The following KIRREL3 variants were observed in gnomAD, a reference collection of about 807,000 sequenced individuals.
KIRREL3 encodes the protein kirre like nephrin family adhesion molecule 3, also known as kin of IRRE-like protein 3.
A neutral mutation model predicts 89.7 loss-of-function variants in KIRREL3; 36 were observed. The observed-to-expected ratio is 0.40, with a 90% CI of 0.31 to 0.53. The LOEUF (loss-of-function observed/expected upper bound fraction) is 0.53. Among genes scored for constraint, KIRREL3 ranks in the 20% least tolerant of loss-of-function variants. The probability of loss-of-function intolerance (pLI) is 0.49; values close to 1 mark genes in which losing one functional copy is unlikely to be tolerated. For missense variants in KIRREL3, 864 were observed against 1,056.6 expected (o/e 0.82, Z 2.53); for synonymous variants, 445 against 441.4 (o/e 1.01, Z -0.10).
At position 126,788,681 on chromosome 11, in the gene KIRREL3, A is replaced by T. The variant is rs1170516893; in HGVS notation, c.55+211774T>A. Among the ~76,000 whole-genome samples, 1 of 152,160 alleles carries T rather than the reference A, an allele frequency of 6.6e-6. No individual in the cohort carries two copies. Among genetic ancestry groups the T allele is most frequent in the Non-Finnish European group, 1.5e-5 (1 of 68,038 alleles). On this transcript the variant is annotated intron_variant, in intron 1 of 16. Coordinates refer to ENST00000525144, the MANE Select transcript of KIRREL3 (RefSeq NM_032531.4). This position sits in a 1 kb window ranked among gnomAD's most constrained non-coding sequence, Gnocchi z 4.1. ...AGACCCATCATCACCAGTCCTCCAC[A>T]TTATAGACCACAAAGGCCCTACAAT...
In KIRREL3 at chr11:126,606,520, C is replaced by T. The variant is rs994417186; in HGVS notation, c.56-43608G>A. On this transcript the variant is annotated intron_variant, in intron 1 of 16. Transcript: ENST00000525144. The surrounding 1 kb of genome is among the most constrained non-coding windows in gnomAD (Gnocchi z 4.6). ...GCCATGGGGGAGGGAAGTCCGGGCT[C>T]TCTGGGAACTGCCTTCCACATTTCC... is the stretch of plus-strand genomic sequence containing the variant. 6.6e-6 allele frequency among the ~76,000 whole-genome samples: 1 copy of T among 152,136 alleles called. No homozygotes were observed. Among genetic ancestry groups the T allele is most frequent in the South Asian group, 2.1e-4 (1 of 4,812 alleles).
chr11:126,447,656 C>G (rs915878742), intron 8 of KIRREL3, among the ~76,000 whole-genome samples: 13 of 152,136 alleles, frequency 8.5e-5, no homozygotes, highest in African/African-American at 3.1e-4. Context: ...GTAGACCAAG[C>G]TTGGTCTACA....
rs528547260 is a variant in KIRREL3 at position 126,776,599 on chromosome 11, A to T, written c.56-213687T>A. Among the ~76,000 whole-genome samples, 1 of 152,232 alleles carries T rather than the reference A, an allele frequency of 6.6e-6. No individual in the cohort carries two copies. Among genetic ancestry groups the T allele is most frequent in the Non-Finnish European group, 1.5e-5 (1 of 68,036 alleles). ...TCCTTCTCTAGCAATAAGACCTAGC[A>T]TGACTCAAAAGCTTGCAGAAACACT... On this transcript the variant is annotated intron_variant, in intron 1 of 16. Coordinates refer to ENST00000525144, the MANE Select transcript of KIRREL3 (RefSeq NM_032531.4). This position sits in a 1 kb window ranked among gnomAD's most constrained non-coding sequence, Gnocchi z 4.7.
intron 1 of KIRREL3, among the ~76,000 whole-genome samples, chr11:126,857,307 GC>G (rs1351075407): frequency 6.6e-6 from 1 of 152,250 alleles, no homozygotes; most frequent in African/African-American, 2.4e-5. Flanking sequence ...CCTTGGGCCA[GC>G]CCAGGTGCTT....
rs200100479 is a variant in KIRREL3, at chr11:126,439,828, C to CAAACAA, written c.1353+620_1353+621insTTGTTT. On this transcript the variant is annotated intron_variant, in intron 11 of 16. Coordinates refer to ENST00000525144, the MANE Select transcript of KIRREL3 (RefSeq NM_032531.4). ...GCGAGACTCCATCTCAAAAAACAAACACAAACAAACAAACCCAAAAAACAC... is the reference window on the plus strand; with the variant it reads ...GCGAGACTCCATCTCAAAAAACAAACAAACAAACAAACAAACAAACCCAAAAAACAC... 3.3e-5 allele frequency among the ~76,000 whole-genome samples: 5 copies of CAAACAA among 151,274 alleles called. No individual in the cohort carries two copies. The East Asian group carries it at 5.9e-4, about 18-fold the overall frequency.
At chr11:126,998,837 G>A (rs1436144919) in intron 1 of KIRREL3, among the ~76,000 whole-genome samples, 1 of 151,998 alleles carries the variant, frequency 6.6e-6, no homozygotes, top group Non-Finnish European at 1.5e-5. Context: ...ACGGGGGGTT[G>A]GTTGGAAGAT....
chr11:126,440,661 G>A, intron 10 of KIRREL3, 112 bp from the exon 11 acceptor site: 1 of 985,890 alleles, frequency 1.0e-6, no homozygotes. Context: ...GCAAACATTT[G>A]CCGAAGGCCT....
At chr11:126,483,915 G>A (rs1410393214) in intron 4 of KIRREL3, among the ~76,000 whole-genome samples, 8 of 152,130 alleles carry the variant, frequency 5.3e-5, no homozygotes, top group African/African-American at 1.7e-4. Context: ...CCTCCACAAA[G>A]TCTTCTCTCA....
intron 1 of KIRREL3, among the ~76,000 whole-genome samples, chr11:126,701,997 T>C (rs549509466): frequency 6.6e-6 from 1 of 152,322 alleles, no homozygotes; most frequent in African/African-American, 2.4e-5. Flanking sequence ...CCTTTCTTTA[T>C]AACAGGGTAA....
In KIRREL3 at chr11:126,627,718, G is replaced by A. The variant is rs1943851719; in HGVS notation, c.56-64806C>T. 2.0e-5 allele frequency among the ~76,000 whole-genome samples: 3 copies of A among 152,222 alleles called. 1 individual carries two copies. The South Asian group carries it at 6.2e-4, about 31-fold the overall frequency. ...AGCTCCAGAGAAGGGAGATGGCATT[G>A]GCGGCAGGAGGGAGGGAGAAGAATG... On this transcript the variant is annotated intron_variant, in intron 1 of 16. Transcript: ENST00000525144. This position sits in a 1 kb window ranked among gnomAD's most constrained non-coding sequence, Gnocchi z 5.0.
rs1274909673 is a variant in KIRREL3, at chr11:126,903,334, G to A, written c.55+97121C>T. Among the ~76,000 whole-genome samples, 1 of 151,584 alleles carries A rather than the reference G, an allele frequency of 6.6e-6. No individual in the cohort carries two copies. Among genetic ancestry groups the A allele is most frequent in the Non-Finnish European group, 1.5e-5 (1 of 67,966 alleles). On this transcript the variant is annotated intron_variant, in intron 1 of 16. Coordinates refer to ENST00000525144, the MANE Select transcript of KIRREL3 (RefSeq NM_032531.4). This position sits in a 1 kb window ranked among gnomAD's most constrained non-coding sequence, Gnocchi z 4.5. The stretch of plus-strand genomic sequence containing the variant: ...CTTTTTCTCTGGGTTAACAATGCAG[G>A]GATCATAGTTGCACAATTATTAAAA...
intron 1 of KIRREL3, among the ~76,000 whole-genome samples, chr11:126,916,260 GCT>G (rs1947033625): frequency 6.6e-6 from 1 of 152,168 alleles, no homozygotes; most frequent in Non-Finnish European, 1.5e-5. Context: ...CTCAGAATGT[GCT>G]GTTTTCATAT....
At chr11:126,806,715 G>A (rs940648432) in intron 1 of KIRREL3, among the ~76,000 whole-genome samples, 1 of 150,996 alleles carries the variant, frequency 6.6e-6, no homozygotes, top group African/African-American at 2.4e-5. Context: ...TGTGTAGAAC[G>A]TGCAGATTTG....
chr11:126,794,570 A>G (rs79750768), intron 1 of KIRREL3, among the ~76,000 whole-genome samples: 3,884 of 152,360 alleles, frequency 0.025, 159 homozygotes, highest in African/African-American at 0.086. Context: ...TTGTATTACA[A>G]AAATATTTTA....
At chr11:126,536,067 G>A (rs949011661) in intron 2 of KIRREL3, among the ~76,000 whole-genome samples, 2 of 152,070 alleles carry the variant, frequency 1.3e-5, no homozygotes, top group African/African-American at 2.4e-5. Context: ...AGCCAAGATC[G>A]CACCATTGCA....
chr11:126,548,284 G>A (rs1013320751), intron 2 of KIRREL3, among the ~76,000 whole-genome samples: 2 of 152,136 alleles, frequency 1.3e-5, no homozygotes, highest in Admixed American at 6.5e-5. Flanking sequence ...CTGCAGGCCC[G>A]ACCATCCCGC....
rs1565613984 is a variant in KIRREL3 at position 126,642,231 on chromosome 11, C to A, written c.56-79319G>T. On this transcript the variant is annotated intron_variant, in intron 1 of 16. Transcript: ENST00000525144. This position sits in a 1 kb window ranked among gnomAD's most constrained non-coding sequence, Gnocchi z 4.9. The stretch of plus-strand genomic sequence containing the variant: ...TTCTAGTCCAAACTTCAAAATCCTT[C>A]CTGCACTGGTCTCATTGGGGTTGGT... 6.6e-6 allele frequency among the ~76,000 whole-genome samples: 1 copy of A among 152,234 alleles called. No individual in the cohort carries two copies. Among genetic ancestry groups the A allele is most frequent in the Non-Finnish European group, 1.5e-5 (1 of 68,042 alleles).
In KIRREL3 at chr11:126,634,563, G is replaced by A. The variant is rs76317084; in HGVS notation, c.56-71651C>T. ...CGCCACTTGGGCTGGAGAGGCTTGCGGGGAGCTTTGCAGGGGAAATGAAGC... is the reference window on the plus strand; with the variant it reads ...CGCCACTTGGGCTGGAGAGGCTTGCAGGGAGCTTTGCAGGGGAAATGAAGC... On this transcript the variant is annotated intron_variant, in intron 1 of 16. Transcript: ENST00000525144. Among the ~76,000 whole-genome samples, 1,495 of 152,274 alleles carry A rather than the reference G, an allele frequency of 9.8e-3. 18 individuals carry two copies. The highest frequency in any genetic ancestry group is 0.034 in the African/African-American group (1,414 of 41,536).
rs561988378 is a variant in KIRREL3 at position 126,579,494 on chromosome 11, G to A, written c.56-16582C>T. Among the ~76,000 whole-genome samples, 9 of 152,186 alleles carry A rather than the reference G, an allele frequency of 5.9e-5. No homozygotes were observed. The South Asian group carries it at 1.5e-3, about 25-fold the overall frequency. ...CCCAGGAACCACTCTCTAATTTAAC[G>A]AATAACTTCTCTCATGAGCAAATGG... On this transcript the variant is annotated intron_variant, in intron 1 of 16. Coordinates refer to ENST00000525144, the MANE Select transcript of KIRREL3 (RefSeq NM_032531.4). This position sits in a 1 kb window ranked among gnomAD's most constrained non-coding sequence, Gnocchi z 5.3.
Sources: gnomAD v4.1 joint callset for allele counts (sites outside exome capture counted in the v4.1 genomes callset) on GRCh38, gnomAD v4.1.1 for gene constraint, Gnocchi (gnomAD v3.1) non-coding constraint, MANE v1.5 for transcripts, NCBI Gene and HGNC (gene_info 2026-07-23, HGNC 2026-07-21) for gene names.